Variants in CUX1 observed in about 807,000 individuals in gnomAD.
CUX1 encodes cut like homeobox 1.
Under a neutral mutation model 158.8 loss-of-function variants are expected in CUX1, and 31 were observed. The ratio of observed to expected loss-of-function variants is 0.20; its 90% CI spans 0.15 to 0.26. The LOEUF is 0.26. Among genes scored for constraint, CUX1 ranks in the 10% least tolerant of loss-of-function variants. The pLI is 1.00. For missense variants in CUX1, 1,589 were observed against 2,014.6 expected (o/e 0.79, Z 4.04); for synonymous variants, 879 against 862.1 (o/e 1.02, Z -0.34).
chr7:102,006,499 C>A (rs1817396980), intron 2 of CUX1, among the ~76,000 whole-genome samples: 1 of 152,116 alleles, frequency 6.6e-6, no homozygotes, highest in Non-Finnish European at 1.5e-5. Flanking sequence ...CGGGTTCAAG[C>A]AATTCTCATG....
In CUX1 at chr7:102,256,942, T is replaced by TG; in HGVS notation, c.*7901dup. 2 of 985,496 alleles carry TG rather than the reference T, an allele frequency of 2.0e-6. No homozygotes were observed. The highest frequency in any genetic ancestry group is 2.4e-6 in the Non-Finnish European group (2 of 829,964). 61.0% of individuals were successfully genotyped at this position (985,496 alleles called of 1,614,324 possible). ...GCAACAGTGTTTTGTAGTACCAGGC[T>TG]GTGGCTTGAGGGCTCACCTAGGAGA... On this transcript the variant is annotated 3_prime_UTR_variant, in exon 24 of 24. Coordinates refer to ENST00000292535, the MANE Select transcript of CUX1 (RefSeq NM_181552.4).
Position 102,196,677 on chromosome 7 carries a change from C to G in CUX1, c.1266C>G (p.Arg422=). 6.3e-7 allele frequency: 1 copy of G among 1,598,100 alleles called. No individual in the cohort carries two copies. The highest frequency in any genetic ancestry group is 8.5e-7 in the Non-Finnish European group (1 of 1,171,114). The change falls in exon 15 of 24, where the codon CGC becomes CGG. Residue 422 remains arginine, a synonymous_variant. Coordinates refer to ENST00000292535, the MANE Select transcript of CUX1 (RefSeq NM_181552.4). ...RKGKDQPESR[R]PGSLPAPPPS... is the part of the protein sequence containing the mutation. ...GGAAAGACCAGCCTGAAAGTCGGCG[C>G]CCGGGATCTTTGCCGGCCCCCCCTC...
intron 21 of CUX1, among the ~76,000 whole-genome samples, chr7:102,231,373 A>C (rs1271431479): frequency 6.6e-6 from 1 of 151,100 alleles, no homozygotes; most frequent in Non-Finnish European, 1.5e-5. Context: ...CATATTGCCC[A>C]GGCTGGTCTC....
intron 7 of CUX1, among the ~76,000 whole-genome samples, chr7:102,112,685 C>A (rs1554490559): frequency 6.6e-6 from 1 of 151,932 alleles, no homozygotes; most frequent in African/African-American, 2.4e-5. Context: ...ATCCTCCCAC[C>A]TCAGCCTCCC....
At position 102,253,177 on chromosome 7, in the gene CUX1, A is replaced by G; in HGVS notation, c.*4135A>G. On this transcript the variant is annotated 3_prime_UTR_variant, in exon 24 of 24. Transcript: ENST00000292535. ...ACCATCCTGTCTGATGTGGACGTTCAGGTCTGCTGGTTGGCGGTCCGGGCC... is the reference window on the plus strand; with the variant it reads ...ACCATCCTGTCTGATGTGGACGTTCGGGTCTGCTGGTTGGCGGTCCGGGCC... 1.0e-6 allele frequency: 1 copy of G among 985,484 alleles called. No individual in the cohort carries two copies. Among genetic ancestry groups the G allele is most frequent in the Non-Finnish European group, 1.2e-6 (1 of 829,970 alleles). The allele number at this position is 985,484 out of a possible 1,614,324, so 61.0% of individuals were successfully genotyped here. A position where few individuals can be genotyped will look rare whatever the true frequency, so the allele number is the denominator to read the frequency against.
At chr7:101,883,598 A>T (rs1305971444) in intron 1 of CUX1, among the ~76,000 whole-genome samples, 3 of 60,224 alleles carry the variant, frequency 5.0e-5, no homozygotes, top group East Asian at 7.9e-3. Context: ...TTTTTTTTTG[A>T]AATTTTAAAT....
chr7:102,034,145 C>CAAAAAAAAAAA lies in CUX1; in HGVS notation c.189+6012_189+6022dup, dbSNP rs10655613. Among the ~76,000 whole-genome samples, 18 of 48,596 alleles carry CAAAAAAAAAAA rather than the reference C, an allele frequency of 3.7e-4. 2 individuals are homozygous for CAAAAAAAAAAA. Among genetic ancestry groups the CAAAAAAAAAAA allele is most frequent in the East Asian group, 6.3e-4 (1 of 1,578 alleles). 31.9% of individuals were successfully genotyped at this position (48,596 alleles called of 152,430 possible). A position where few individuals can be genotyped will look rare whatever the true frequency, so the allele number is the denominator to read the frequency against. ...CAGGTGACAGAGCGAGACTCCATCT[C>CAAAAAAAAAAA]AAAAAAAAAAAAAAAAAAAAAAGTC... On this transcript the variant is annotated intron_variant, in intron 3 of 23. Coordinates refer to ENST00000292535, the MANE Select transcript of CUX1 (RefSeq NM_181552.4).
intron 2 of CUX1, among the ~76,000 whole-genome samples, chr7:101,933,452 A>G (rs1806521406): frequency 1.3e-5 from 2 of 152,080 alleles, no homozygotes; most frequent in South Asian, 4.1e-4. Context: ...CTAGACAAAC[A>G]CTATTAAGTC....
At chr7:101,979,298 C>T (rs1231724317) in intron 2 of CUX1, among the ~76,000 whole-genome samples, 1 of 152,138 alleles carries the variant, frequency 6.6e-6, no homozygotes, top group Non-Finnish European at 1.5e-5. Flanking sequence ...GAGACCCTCA[C>T]CCTGGAGCAG....
chr7:101,916,432 T>A lies in CUX1; in HGVS notation c.141+207T>A, dbSNP rs915631759. ...TGGGGATGTGGAAATTGATAGGTTG[T>A]CTGGAAATATGAAAGTCAGAGCCAA... On this transcript the variant is annotated intron_variant, in intron 2 of 23. Transcript: ENST00000292535. This position sits in a 1 kb window ranked among gnomAD's most constrained non-coding sequence, Gnocchi z 4.4. 5 of 462,696 alleles carry A rather than the reference T, an allele frequency of 1.1e-5. No individual in the cohort carries two copies. Among genetic ancestry groups the A allele is most frequent in the Non-Finnish European group, 2.0e-5 (5 of 248,008 alleles). 28.7% of individuals were successfully genotyped at this position (462,696 alleles called of 1,614,324 possible). A position where few individuals can be genotyped will look rare whatever the true frequency, so the allele number is the denominator to read the frequency against.
chr7:102,238,422 T>G (rs1222112804), intron 22 of CUX1, among the ~76,000 whole-genome samples: 1 of 152,154 alleles, frequency 6.6e-6, no homozygotes, highest in Non-Finnish European at 1.5e-5. Context: ...TGTCCCCTCA[T>G]CTCCTATCTC....
rs555757118 is a variant in CUX1, at chr7:102,222,698, C to T, written c.3131-4669C>T. Among the ~76,000 whole-genome samples, 28 of 151,626 alleles carry T rather than the reference C, an allele frequency of 1.8e-4. No homozygotes were observed. The East Asian group carries it at 4.9e-3, about 26-fold the overall frequency. On this transcript the variant is annotated intron_variant, in intron 20 of 23. Transcript: ENST00000292535. ...GCCTGGGAAGGCAGGCACAGTCACT[C>T]TGTCACTAACGCACACTTGGGCGCA...
rs1486726633 is a variant in CUX1, at chr7:101,817,975, A to G, written c.30+306A>G. Reference sequence around the variant, plus strand: ...CAAACGAAGCGGGTTGGATTAAAACATATTTAAATGGAATCTGACAACTTT... The same window carrying G: ...CAAACGAAGCGGGTTGGATTAAAACGTATTTAAATGGAATCTGACAACTTT... On this transcript the variant is annotated intron_variant, in intron 1 of 23. Coordinates refer to ENST00000292535, the MANE Select transcript of CUX1 (RefSeq NM_181552.4). This position sits in a 1 kb window ranked among gnomAD's most constrained non-coding sequence, Gnocchi z 4.1. Among the ~76,000 whole-genome samples, 3 of 152,312 alleles carry G rather than the reference A, an allele frequency of 2.0e-5. No individual in the cohort carries two copies. Among genetic ancestry groups the G allele is most frequent in the East Asian group, 1.9e-4 (1 of 5,180 alleles).
At position 102,249,612 on chromosome 7, in the gene CUX1, T is replaced by C; in HGVS notation, c.*570T>C. ...AACCCACATATTAAAAGGGGGCTTTTTATCTGCCATCTAATGGCTTCAGAG... is the reference window on the plus strand; with the variant it reads ...AACCCACATATTAAAAGGGGGCTTTCTATCTGCCATCTAATGGCTTCAGAG... On this transcript the variant is annotated 3_prime_UTR_variant, in exon 24 of 24. Transcript: ENST00000292535. 5.1e-6 allele frequency: 5 copies of C among 985,702 alleles called. No individual in the cohort carries two copies. Among genetic ancestry groups the C allele is most frequent in the Non-Finnish European group, 6.0e-6 (5 of 829,924 alleles). The allele number at this position is 985,702 out of a possible 1,614,324, so 61.1% of individuals were successfully genotyped here. A position where few individuals can be genotyped will look rare whatever the true frequency, so the allele number is the denominator to read the frequency against.
At chr7:102,052,860 T>G (rs11982462) in intron 3 of CUX1, among the ~76,000 whole-genome samples, 21,981 of 152,212 alleles carry the variant, frequency 0.14, 1,668 homozygotes, top group Middle Eastern at 0.22. Context: ...CAGGCTGGAA[T>G]GCGGTAGTGT....
At chr7:102,067,041 A>G (rs1328926234) in intron 3 of CUX1, among the ~76,000 whole-genome samples, 1 of 152,120 alleles carries the variant, frequency 6.6e-6, no homozygotes, top group African/African-American at 2.4e-5. Flanking sequence ...GACTTTTAGG[A>G]TATTCACAAA....
At chr7:101,860,674 T>G (rs928768980) in intron 1 of CUX1, among the ~76,000 whole-genome samples, 1 of 152,002 alleles carries the variant, frequency 6.6e-6, no homozygotes, top group Non-Finnish European at 1.5e-5. Context: ...TTTCCTCCCT[T>G]TCCTGTCCTG....
At chr7:102,040,358 A>C (rs1821925637) in intron 3 of CUX1, among the ~76,000 whole-genome samples, 1 of 152,174 alleles carries the variant, frequency 6.6e-6, no homozygotes, top group African/African-American at 2.4e-5. Flanking sequence ...AGATGGGGGC[A>C]GTGAGTGCCA....
At chr7:102,066,512 A>C (rs1825565401) in intron 3 of CUX1, among the ~76,000 whole-genome samples, 1 of 152,190 alleles carries the variant, frequency 6.6e-6, no homozygotes. Flanking sequence ...AGGAGACAGG[A>C]GGACAGAGTT....
Sources: gnomAD v4.1 joint callset for allele counts (sites outside exome capture counted in the v4.1 genomes callset) on GRCh38, gnomAD v4.1.1 for gene constraint, Gnocchi (gnomAD v3.1) non-coding constraint, MANE v1.5 for transcripts, NCBI Gene and HGNC (gene_info 2026-07-23, HGNC 2026-07-21) for gene names.